The following SCML4 variants were observed in gnomAD, a reference collection of about 807,000 sequenced individuals.
SCML4 encodes Scm polycomb group protein like 4.
In SCML4, 34 loss-of-function variants were observed where a neutral mutation model predicts 41.1. The observed-to-expected ratio is 0.83, with a 90% CI of 0.63 to 1.10. The LOEUF (loss-of-function observed/expected upper bound fraction) is 1.10, where lower values mean the gene tolerates loss of function less well. Ranked by LOEUF, SCML4 falls within the 50% of genes least tolerant of loss-of-function variation. The pLI is 0.00. For synonymous variants in SCML4, 214 were observed against 220.9 expected, an observed-to-expected ratio of 0.97 and a Z score of 0.28; for missense variants, 522 against 534.1, an observed-to-expected ratio of 0.98 and a Z score of 0.22.
At position 107,705,291 on chromosome 6, in the gene SCML4, C is replaced by T. The variant is rs1372656204; in HGVS notation, c.1154G>A (p.Ser385Asn). 2.6e-5 allele frequency: 40 copies of T among 1,551,736 alleles called. No individual in the cohort carries two copies. In the East Asian group the frequency reaches 7.3e-4, roughly 28 times the overall value. The change falls in exon 8 of 8, where the codon AGT becomes AAT. Residue 385 changes from serine to asparagine, a missense_variant. Coordinates refer to ENST00000369020, the MANE Select transcript of SCML4 (RefSeq NM_198081.5). Reference protein sequence around the residue: ...IDGNALLLLKSDMVMKYLGLK... With the variant: ...IDGNALLLLKNDMVMKYLGLK... ...GCCCAGGTACTTCATGACCATGTCACTCTTCAGCAACAGCAGAGCGTTGCC... is the reference window on the plus strand; with the variant it reads ...GCCCAGGTACTTCATGACCATGTCATTCTTCAGCAACAGCAGAGCGTTGCC...
At chr6:107,753,572 T>C (rs941809909) in intron 2 of SCML4, among the ~76,000 whole-genome samples, 9 of 152,230 alleles carry the variant, frequency 5.9e-5, no homozygotes, top group African/African-American at 2.2e-4. Context: ...TACTTAACAC[T>C]ATTGAGTTTT....
chr6:107,809,927 T>C (rs938069102), intron 1 of SCML4, among the ~76,000 whole-genome samples: 2 of 152,154 alleles, frequency 1.3e-5, no homozygotes, highest in African/African-American at 4.8e-5. Context: ...TTTTTCTTGA[T>C]TGCATTTTGT....
chr6:107,813,051 A>G (rs1457508748), intron 1 of SCML4, among the ~76,000 whole-genome samples: 1 of 152,006 alleles, frequency 6.6e-6, no homozygotes, highest in Non-Finnish European at 1.5e-5. Context: ...ATAAATTCAA[A>G]TCATGTTTAT....
upstream of SCML4, among the ~76,000 whole-genome samples, chr6:107,827,705 G>A (rs1302872876): frequency 1.3e-5 from 2 of 152,144 alleles, no homozygotes; most frequent in African/African-American, 4.8e-5. Context: ...TTCTGTCTCA[G>A]ACCACAAGCA....
intron 1 of SCML4, among the ~76,000 whole-genome samples, chr6:107,800,098 C>A (rs887130404): frequency 6.6e-6 from 1 of 151,862 alleles, no homozygotes; most frequent in Non-Finnish European, 1.5e-5. Context: ...CCATCCTCCC[C>A]CCTCAGCCTC....
At chr6:107,842,686 AC>A in the SCML4 span, among the ~76,000 whole-genome samples, 1 of 152,082 alleles carries the variant, frequency 6.6e-6, no homozygotes, top group Non-Finnish European at 1.5e-5. Context: ...GAGCCACTGC[AC>A]CCGGCCTGGT....
intron 2 of SCML4, among the ~76,000 whole-genome samples, chr6:107,753,731 C>A (rs1286668975): frequency 6.6e-6 from 1 of 151,870 alleles, no homozygotes; most frequent in African/African-American, 2.4e-5. Flanking sequence ...TTAAAATAAT[C>A]CAGTAGAGAG....
chr6:107,765,441 G>T (rs1363619056), intron 2 of SCML4, among the ~76,000 whole-genome samples: 3 of 152,128 alleles, frequency 2.0e-5, no homozygotes, highest in African/African-American at 7.2e-5. Context: ...TGAGGCAGAG[G>T]TTGCAGTGAG....
intron 6 of SCML4, among the ~76,000 whole-genome samples, chr6:107,718,274 G>A (rs754437283): frequency 6.6e-6 from 1 of 152,158 alleles, no homozygotes; most frequent in Admixed American, 6.5e-5. Context: ...TAAGTCTCAC[G>A]ACATCTGATG....
In SCML4 at chr6:107,711,924, C is replaced by A. The variant is rs976969275; in HGVS notation, c.974-3913G>T. 5.9e-5 allele frequency among the ~76,000 whole-genome samples: 9 copies of A among 152,198 alleles called. 1 individual carries two copies. Among genetic ancestry groups the A allele is most frequent in the African/African-American group, 2.2e-4 (9 of 41,528 alleles). On this transcript the variant is annotated intron_variant, in intron 6 of 7. Coordinates refer to ENST00000369020, the MANE Select transcript of SCML4 (RefSeq NM_198081.5). ...AGGAGAATACAGCATCACATTTCTG[C>A]GTCTGTCCTAAACACATAATGGTTT...
intron 1 of SCML4, among the ~76,000 whole-genome samples, chr6:107,803,912 C>T (rs1337007739): frequency 2.6e-5 from 4 of 151,648 alleles, no homozygotes; most frequent in Admixed American, 1.3e-4. Flanking sequence ...ACAAACACTG[C>T]GGAAGGCCGC....
chr6:107,734,963 C>T (rs1369141046), intron 5 of SCML4, among the ~76,000 whole-genome samples: 2 of 152,160 alleles, frequency 1.3e-5, no homozygotes, highest in Non-Finnish European at 2.9e-5. Context: ...GCAACCTCCA[C>T]CTCCTGGGTT....
chr6:107,754,937 T>C (rs1778980217), intron 2 of SCML4, among the ~76,000 whole-genome samples: 2 of 152,090 alleles, frequency 1.3e-5, no homozygotes, highest in African/African-American at 4.8e-5. Context: ...ATCTCTTTTG[T>C]ACTAAAAATT....
chr6:107,802,638 A>AAGGAAG (rs1783258500), intron 1 of SCML4, among the ~76,000 whole-genome samples: 117 of 60,408 alleles, frequency 1.9e-3, no homozygotes, highest in South Asian at 1.9e-3. Context: ...AAGGAAGGAA[A>AAGGAAG]GAAAATTGGA....
intron 2 of SCML4, among the ~76,000 whole-genome samples, chr6:107,754,831 A>G (rs1778971554): frequency 6.6e-6 from 1 of 152,202 alleles, no homozygotes; most frequent in Non-Finnish European, 1.5e-5. Context: ...ATTAGAGGTC[A>G]GGTGTATTGG....
At chr6:107,731,188 C>T (rs758987602) in intron 5 of SCML4, among the ~76,000 whole-genome samples, 65 of 152,160 alleles carry the variant, frequency 4.3e-4, no homozygotes, top group Non-Finnish European at 8.2e-4. Flanking sequence ...GAGGGGAAAA[C>T]GGACCTTATG....
chr6:107,845,406 G>A, the SCML4 span, among the ~76,000 whole-genome samples: 1 of 152,230 alleles, frequency 6.6e-6, no homozygotes. Flanking sequence ...CCGGCACTAG[G>A]AGGAGATGGC....
At chr6:107,715,935 G>C (rs1774738639) in intron 6 of SCML4, among the ~76,000 whole-genome samples, 1 of 124,296 alleles carries the variant, frequency 8.0e-6, no homozygotes, top group Non-Finnish European at 1.6e-5. Context: ...TTTTTTTGAT[G>C]ATAACTGCTT....
chr6:107,766,336 G>C (rs6568494), intron 2 of SCML4, among the ~76,000 whole-genome samples: 38,683 of 149,552 alleles, frequency 0.26, 6,338 homozygotes, highest in African/African-American at 0.47. Flanking sequence ...CGCCACTACA[G>C]TCCAGCCTGG....
Sources: allele counts gnomAD v4.1 joint callset (sites outside exome capture counted in the v4.1 genomes callset), GRCh38; gene constraint gnomAD v4.1.1; transcripts MANE v1.5; gene names NCBI Gene and HGNC (gene_info 2026-07-23, HGNC 2026-07-21).